Variants in KDM5C observed in about 807,000 individuals in gnomAD.
The protein encoded by KDM5C is lysine demethylase 5C.
In KDM5C, 16 loss-of-function variants were observed where a neutral mutation model predicts 110.6. That is an observed-to-expected ratio of 0.14 (90% confidence interval 0.10 to 0.22). The LOEUF (loss-of-function observed/expected upper bound fraction) is 0.22, where lower values mean the gene tolerates loss of function less well. Among genes scored for constraint, KDM5C ranks in the 10% least tolerant of loss-of-function variants. The probability of loss-of-function intolerance (pLI) is 1.00; values close to 1 mark genes in which losing one functional copy is unlikely to be tolerated. For synonymous variants in KDM5C, 511 were observed against 520.4 expected (o/e 0.98, Z 0.24); for missense variants, 681 against 1,300.9 (o/e 0.52, Z 7.33).
In KDM5C at chrX:53,193,045, G is replaced by A; in HGVS notation, c.4605C>T (p.Gly1535=). The change falls in exon 26 of 26, where the codon GGC becomes GGT. Residue 1535 remains glycine, a synonymous_variant. Coordinates refer to ENST00000375401, the MANE Select transcript of KDM5C (RefSeq NM_004187.5). ...GLEPAEGTTS[G]PSAPFSTLTP... ...TCAGAGTGGAGAAAGGGGCCGAGGG[G>A]CCTGAAGTGGTCCCTTCCGCCGGTT... is the stretch of plus-strand genomic sequence containing the variant. 8.3e-7 allele frequency: 1 copy of A among 1,204,922 alleles called. No individual in the cohort carries two copies. Among genetic ancestry groups the A allele is most frequent in the Non-Finnish European group, 1.1e-6 (1 of 892,087 alleles).
rs1556832750 is a variant in KDM5C at position 53,193,421 on chromosome X, T to C, written c.4317+16A>G. Reference sequence around the variant, plus strand: ...CGGCCTGACCTCCTGGCCCGGCCCATGACCCCTCTCCTCACCTCCAGAAGT... The same window carrying C: ...CGGCCTGACCTCCTGGCCCGGCCCACGACCCCTCTCCTCACCTCCAGAAGT... On this transcript the variant is annotated intron_variant, in intron 25 of 25. Transcript: ENST00000375401. The C allele has an allele frequency of 2.5e-6, 3 of 1,210,042 alleles. No homozygotes were observed. In the Admixed American group the frequency reaches 6.5e-5, roughly 26 times the overall value.
In KDM5C at chrX:53,193,101, G is replaced by A. The variant is rs1556832273; in HGVS notation, c.4549C>T (p.Pro1517Ser). ...CCATTCTGGTTCTCCTGGGTGCTGG[G>A]GCTGCCAGTGGTGGGGATGGGTGCA... The part of the protein sequence containing the change: ...PPAPIPTTGS[P>S]STQENQNGLE... Residue 1517 changes from proline (P) to serine (S), a missense_variant, in exon 26 of 26, where the codon CCC (proline) becomes TCC (serine). Physicochemically the swap from Pro to Ser is moderately conservative, Grantham distance 74. Around this residue, in one of 14 missense-constraint regions of KDM5C, gnomAD observed 115 missense variants for 120.9 expected, o/e 0.95. Transcript: ENST00000375401. The A allele has an allele frequency of 2.5e-6, 3 of 1,210,215 alleles. No homozygotes were observed. The highest frequency in any genetic ancestry group is 1.8e-5 in the South Asian group (1 of 56,822).
Position 53,208,938 on chromosome X carries a change from C to T in KDM5C, c.1746+1476G>A, listed in dbSNP as rs782607973. Among the ~76,000 whole-genome samples the T allele has an allele frequency of 5.7e-5, 6 of 104,434 alleles. No individual in the cohort carries two copies. In the South Asian group the frequency reaches 2.6e-3, roughly 46 times the overall value. The allele number at this position is 104,434 out of a possible 115,157, so 90.7% of individuals were successfully genotyped here. A position where few individuals can be genotyped will look rare whatever the true frequency, so the allele number is the denominator to read the frequency against. On this transcript the variant is annotated intron_variant, in intron 12 of 25. Transcript: ENST00000375401. ...TCAAGCGATTCTCCTGCCTCCTGATCCTGAGTAGCTGGGATTACAGGCGTG... is the reference window on the plus strand; with the variant it reads ...TCAAGCGATTCTCCTGCCTCCTGATTCTGAGTAGCTGGGATTACAGGCGTG...
chrX:53,187,398 G>A, downstream of KDM5C, among the ~76,000 whole-genome samples: 1 of 112,210 alleles, frequency 8.9e-6, no homozygotes, highest in Non-Finnish European at 1.9e-5. Context: ...AGATCAGAGG[G>A]CAGAGCCTTA....
chrX:53,182,525 G>A (rs1052329715), intron 25 of KDM5C, among the ~76,000 whole-genome samples: 5 of 111,846 alleles, frequency 4.5e-5, no homozygotes, highest in Non-Finnish European at 7.5e-5. Context: ...ATGCCACCAC[G>A]CCCAGCTAAT....
intron 18 of KDM5C, among the ~76,000 whole-genome samples, chrX:53,197,351 G>A (rs782469953): frequency 1.8e-5 from 2 of 110,935 alleles, no homozygotes; most frequent in Admixed American, 1.9e-4. Flanking sequence ...CTGTTCTCAG[G>A]GCACCAAGAG....
chrX:53,224,693 T>C (rs2073992440), intron 1 of KDM5C, 47 bp downstream of exon 1: 2 of 1,205,921 alleles, frequency 1.7e-6, no homozygotes, highest in Non-Finnish European at 2.2e-6. Context: ...GCTATCCTAC[T>C]GCTTCATTCC....
In KDM5C at chrX:53,224,794, C is replaced by T. The variant is rs1556856138; in HGVS notation, c.96G>A (p.Ala32=). 15 of 1,210,420 alleles carry T rather than the reference C, an allele frequency of 1.2e-5. No homozygotes were observed. The highest frequency in any genetic ancestry group is 1.1e-4 in the South Asian group (6 of 56,877). ...ATTTCTCTGCGATGGGCCTGATTTTCGCGATGTAGCCAAGAGGGTCTCGGA... is the reference window on the plus strand; with the variant it reads ...ATTTCTCTGCGATGGGCCTGATTTTTGCGATGTAGCCAAGAGGGTCTCGGA... ...AEFRDPLGYI[A]KIRPIAEKSG... is the part of the protein sequence containing the mutation. The change falls in exon 1 of 26, where the codon GCG becomes GCA. Residue 32 remains alanine (A), a synonymous_variant. Transcript: ENST00000375401.
chrX:53,187,903 C>T (rs1357705473), downstream of KDM5C, among the ~76,000 whole-genome samples: 3 of 109,254 alleles, frequency 2.7e-5, no homozygotes, highest in Non-Finnish European at 3.8e-5. Context: ...CCACCACTCC[C>T]GGCTAATTTT....
chrX:53,215,624 CT>C, intron 7 of KDM5C, 170 bp downstream of exon 7: 2 of 505,503 alleles, frequency 4.0e-6, no homozygotes, highest in Admixed American at 5.7e-5. Flanking sequence ...CTTTCTTGCT[CT>C]TTGTTCCATA....
intron 22 of KDM5C, 61 bp from the exon 23 acceptor site, chrX:53,194,799 C>G (rs980284072): frequency 3.3e-6 from 4 of 1,197,651 alleles, no homozygotes; most frequent in Non-Finnish European, 3.4e-6. Context: ...TTCTCTGGGC[C>G]CCCCCTTAAC....
intron 2 of KDM5C, 52 bp downstream of exon 2, chrX:53,220,787 G>C: frequency 3.0e-6 from 3 of 1,010,940 alleles, no homozygotes; most frequent in Non-Finnish European, 4.2e-6. Flanking sequence ...AGTGGGATTA[G>C]AACTCAGGTA....
intron 25 of KDM5C, among the ~76,000 whole-genome samples, chrX:53,184,504 A>C (rs1934162580): frequency 9.0e-6 from 1 of 111,487 alleles, no homozygotes; most frequent in African/African-American, 3.3e-5. Context: ...AGCCTCCCAA[A>C]GTGCTGGGAT....
chrX:53,221,612 C>T, intron 1 of KDM5C: 1 of 523,542 alleles, frequency 1.9e-6, no homozygotes, highest in South Asian at 2.4e-5. Flanking sequence ...AATGTTTGTT[C>T]TCTCAGTTTA....
exon 26 of KDM5C, among the ~76,000 whole-genome samples, chrX:53,176,547 G>A (rs782561014): frequency 2.6e-4 from 29 of 111,888 alleles, no homozygotes; most frequent in African/African-American, 9.1e-4. Context: ...CAGCAGCCAT[G>A]TCTCATTGTC....
chrX:53,182,381 C>CCTCCTTTGCCCATTTTTAAATTGAA (rs1556826510), intron 25 of KDM5C, among the ~76,000 whole-genome samples: 2 of 110,072 alleles, frequency 1.8e-5, no homozygotes, highest in African/African-American at 3.3e-5. Context: ...CTGCGCCTGG[C>CCTCCTTTGCCCATTTTTAAATTGAA]TGGGCCAAAC....
chrX:53,180,719 C>CTTTTTT (rs1173641591), intron 25 of KDM5C, among the ~76,000 whole-genome samples: 11 of 30,299 alleles, frequency 3.6e-4, no homozygotes, highest in Non-Finnish European at 4.8e-4. Flanking sequence ...CCACACCCGG[C>CTTTTTT]TTTTTTTTTT....
intron 1 of KDM5C, among the ~76,000 whole-genome samples, chrX:53,224,017 G>C (rs2073965519): frequency 8.9e-6 from 1 of 112,400 alleles, no homozygotes; most frequent in African/African-American, 3.2e-5. Context: ...CTGTGAGACT[G>C]ATTTCCTGAC....
At chrX:53,187,916 G>A (rs1556828626), downstream of KDM5C, among the ~76,000 whole-genome samples, 1 of 109,188 alleles carries the variant, frequency 9.2e-6, no homozygotes, top group Non-Finnish European at 1.9e-5. Context: ...CTAATTTTTT[G>A]TATTTTTAGT....
Sources: allele counts gnomAD v4.1 joint callset (sites outside exome capture counted in the v4.1 genomes callset), GRCh38; gene constraint gnomAD v4.1.1; regional missense constraint gnomAD v4.1.1; transcripts MANE v1.5; gene names NCBI Gene and HGNC (gene_info 2026-07-23, HGNC 2026-07-21).